Variants in PICALM observed in about 807,000 individuals in gnomAD.
PICALM encodes the protein phosphatidylinositol-binding clathrin assembly protein.
Under a neutral mutation model 80.5 loss-of-function variants are expected in PICALM, and 40 were observed. That is an observed-to-expected ratio of 0.50 (90% CI 0.39 to 0.65). The LOEUF is 0.65. Ranked by LOEUF, PICALM falls within the 30% of genes least tolerant of loss-of-function variation. The pLI is 0.00. For missense variants in PICALM, 676 were observed against 778.9 expected (o/e 0.87, Z 1.57); for synonymous variants, 288 against 260.3 (o/e 1.11, Z -1.02).
In PICALM at chr11:86,008,910, T is replaced by C. The variant is rs1391720113; in HGVS notation, c.766-1327A>G. On this transcript the variant is annotated intron_variant, in intron 7 of 19. Transcript: ENST00000393346. ...GAGTTTGAGACCTGCCTGGGCAATA[T>C]AGTGAGACCCCGTTCTCCAGAAAAA... Among the ~76,000 whole-genome samples the C allele has an allele frequency of 3.7e-4, 42 of 114,638 alleles. No individual in the cohort carries two copies. The Admixed American group carries it at 4.7e-3, about 13-fold the overall frequency. The allele number at this position is 114,638 out of a possible 152,430, so 75.2% of individuals were successfully genotyped here.
At chr11:85,998,624 G>A (rs751265360) in intron 11 of PICALM, among the ~76,000 whole-genome samples, 14 of 151,926 alleles carry the variant, frequency 9.2e-5, no homozygotes, top group Non-Finnish European at 1.8e-4. Flanking sequence ...GAAAAAATAC[G>A]AAAAATAGTT....
chr11:85,983,766 G>C, intron 14 of PICALM, 100 bp downstream of exon 14: 1 of 539,782 alleles, frequency 1.9e-6, no homozygotes, highest in Non-Finnish European at 3.2e-6. Context: ...GGCTACCCCA[G>C]TTTAATATAT....
chr11:85,983,112 G>T (rs1262602334), intron 14 of PICALM, among the ~76,000 whole-genome samples: 1 of 151,968 alleles, frequency 6.6e-6, no homozygotes, highest in African/African-American at 2.4e-5. Flanking sequence ...TTCTTTATAG[G>T]CTTGCTTCTT....
chr11:86,012,493 G>A, intron 5 of PICALM, 101 bp from the exon 6 acceptor site: 1 of 643,450 alleles, frequency 1.6e-6, no homozygotes. Context: ...TCATGCATTA[G>A]GCATGTTAGT....
intron 11 of PICALM, among the ~76,000 whole-genome samples, chr11:86,000,261 G>A (rs11234506): frequency 1.2e-4 from 18 of 152,118 alleles, no homozygotes; most frequent in African/African-American, 4.3e-4. Flanking sequence ...TATGACAGAC[G>A]TTTAATATCT....
At position 86,005,937 on chromosome 11, in the gene PICALM, G is replaced by T. The variant is rs7948822; in HGVS notation, c.807+1605C>A. ...CCTTTGCTCAGAGATCATCAATACA[G>T]AGGAAAAGAGGAACGGAGGTTAAAG... On this transcript the variant is annotated intron_variant, in intron 8 of 19. Coordinates refer to ENST00000393346, the MANE Select transcript of PICALM (RefSeq NM_007166.4). Among the ~76,000 whole-genome samples, 1,204 of 152,274 alleles carry T rather than the reference G, an allele frequency of 7.9e-3. 16 individuals are homozygous for T. Among genetic ancestry groups the T allele is most frequent in the African/African-American group, 0.027 (1,126 of 41,546 alleles).
chr11:86,051,478 T>C (rs949034956), intron 1 of PICALM, among the ~76,000 whole-genome samples: 7 of 152,054 alleles, frequency 4.6e-5, no homozygotes, highest in African/African-American at 1.7e-4. Flanking sequence ...CTGGCCAACA[T>C]GGTGAAACCC....
In PICALM at chr11:86,031,735, T is replaced by A. The variant is rs1593132224; in HGVS notation, c.131-124A>T. ...GTGGAGCAGTAATAGTTTGGAGATG[T>A]TGTTAAAAATCTCTCAATTAGAGCA... On this transcript the variant is annotated intron_variant, in intron 1 of 19. Coordinates refer to ENST00000393346, the MANE Select transcript of PICALM (RefSeq NM_007166.4). 5.9e-6 allele frequency: 4 copies of A among 672,504 alleles called. No homozygotes were observed. In the East Asian group the frequency reaches 1.1e-4, roughly 19 times the overall value. The allele number at this position is 672,504 out of a possible 1,614,324, so 41.7% of individuals were successfully genotyped here.
At chr11:85,967,817 A>G (rs1400485870) in intron 19 of PICALM, among the ~76,000 whole-genome samples, 1 of 152,244 alleles carries the variant, frequency 6.6e-6, no homozygotes, top group Admixed American at 6.5e-5. Flanking sequence ...TAAGACTTAA[A>G]TTATTCGAAT....
chr11:86,035,372 T>C (rs779186961), intron 1 of PICALM, among the ~76,000 whole-genome samples: 8 of 152,132 alleles, frequency 5.3e-5, no homozygotes, highest in Non-Finnish European at 1.0e-4. Flanking sequence ...GCCATCAGAA[T>C]GCAGAGTTCT....
At chr11:86,021,643 A>T (rs140880593) in intron 4 of PICALM, among the ~76,000 whole-genome samples, 309 of 152,348 alleles carry the variant, frequency 2.0e-3, no homozygotes, top group African/African-American at 7.1e-3. Flanking sequence ...TCAAAATGAC[A>T]AACATAAGAG....
intron 2 of PICALM, among the ~76,000 whole-genome samples, chr11:86,026,604 A>G (rs1366108086): frequency 6.6e-6 from 1 of 152,210 alleles, no homozygotes; most frequent in Non-Finnish European, 1.5e-5. Flanking sequence ...AGTCAAAACA[A>G]TAAAAGCAAA....
At position 85,981,934 on chromosome 11, in the gene PICALM, T is replaced by G; in HGVS notation, c.1586A>C (p.Lys529Thr). 1 of 1,613,272 alleles carries G rather than the reference T, an allele frequency of 6.2e-7. No homozygotes were observed. The change falls in exon 15 of 20, where the codon AAA (lysine) becomes ACA (threonine). Residue 529 changes from lysine to threonine, a missense_variant. Physicochemically the swap from Lys to Thr is moderately conservative, Grantham distance 78. Around this residue, in one of 2 missense-constraint regions of PICALM, gnomAD observed 391 missense variants for 383.6 expected, o/e 1.02. Transcript: ENST00000393346. Reference protein sequence around the residue: ...ASQNQNLPVAKLPPSKLVSDD... With the variant: ...ASQNQNLPVATLPPSKLVSDD... ...AGATACTAACTTGCTAGGTGGGAGT[T>G]TGGCAACAGGAAGGTTCTGGTTCTG...
Position 86,008,816 on chromosome 11 carries a change from C to A in PICALM, c.766-1233G>T, listed in dbSNP as rs976016908. Among the ~76,000 whole-genome samples the A allele has an allele frequency of 5.9e-5, 9 of 151,634 alleles. 1 individual carries two copies. The highest frequency in any genetic ancestry group is 6.8e-3 in the Middle Eastern group (2 of 292). ...TTTAAGGTAAGGGACTCTGGCCGGGCGCGGTGGCTCACGCCTGTAATCCCA... is the reference window on the plus strand; with the variant it reads ...TTTAAGGTAAGGGACTCTGGCCGGGAGCGGTGGCTCACGCCTGTAATCCCA... On this transcript the variant is annotated intron_variant, in intron 7 of 19. Coordinates refer to ENST00000393346, the MANE Select transcript of PICALM (RefSeq NM_007166.4).
At chr11:86,046,056 G>C (rs944323391) in intron 1 of PICALM, among the ~76,000 whole-genome samples, 1 of 152,144 alleles carries the variant, frequency 6.6e-6, no homozygotes, top group African/African-American at 2.4e-5. Flanking sequence ...CTTTCTACAA[G>C]ATATTTCATT....
At chr11:85,959,332 G>C (rs1473886583) in intron 19 of PICALM, among the ~76,000 whole-genome samples, 1 of 75,592 alleles carries the variant, frequency 1.3e-5, no homozygotes. Flanking sequence ...GCAGTGGCAT[G>C]ATCAAAGCTC....
rs971069282 is a variant in PICALM, at chr11:85,981,564, G to A, written c.1679+181C>T. 3.3e-5 allele frequency among the ~76,000 whole-genome samples: 5 copies of A among 150,490 alleles called. No homozygotes were observed. The East Asian group carries it at 7.8e-4, about 24-fold the overall frequency. The stretch of plus-strand genomic sequence containing the variant: ...GGAGCTTGCAGTGGGCCGAGATTGC[G>A]CCACTGTACTCCAGCCTGAGCAACA... On this transcript the variant is annotated intron_variant, in intron 16 of 19. Coordinates refer to ENST00000393346, the MANE Select transcript of PICALM (RefSeq NM_007166.4).
At chr11:86,062,478 A>G (rs2096383517) in intron 1 of PICALM, among the ~76,000 whole-genome samples, 1 of 151,696 alleles carries the variant, frequency 6.6e-6, no homozygotes. Context: ...AGATCGCACC[A>G]CTGCACTCCA....
At chr11:86,006,527 A>G (rs2095280346) in intron 8 of PICALM, among the ~76,000 whole-genome samples, 1 of 152,116 alleles carries the variant, frequency 6.6e-6, no homozygotes, top group Non-Finnish European at 1.5e-5. Flanking sequence ...TACACCTGTA[A>G]TCCCAGCTAC....
Sources: allele counts gnomAD v4.1 joint callset (sites outside exome capture counted in the v4.1 genomes callset), GRCh38; gene constraint gnomAD v4.1.1; regional missense constraint gnomAD v4.1.1; transcripts MANE v1.5; gene names NCBI Gene and HGNC (gene_info 2026-07-23, HGNC 2026-07-21).